The following GRK7 variants were observed in gnomAD, a reference collection of about 807,000 sequenced individuals.
The protein encoded by GRK7 is rhodopsin kinase GRK7.
A neutral mutation model predicts 34.1 loss-of-function variants in GRK7; 24 were observed. That is an observed-to-expected ratio of 0.70 (90% CI 0.51 to 0.99). The LOEUF is 0.99. Among genes scored for constraint, GRK7 ranks in the 50% least tolerant of loss-of-function variants. The pLI, the probability that GRK7 is intolerant of heterozygous loss-of-function variation, is 0.00. For missense variants in GRK7, 644 were observed against 707.3 expected (o/e 0.91, Z 1.02); for synonymous variants, 256 against 279.4 (o/e 0.92, Z 0.84).
At chr3:141,750,646 C>A in the GRK7 span, among the ~76,000 whole-genome samples, 172 of 152,038 alleles carry the variant, frequency 1.1e-3, no homozygotes, top group African/African-American at 4.1e-3. Flanking sequence ...TATAGAATTG[C>A]TTTTAAGAAA....
chr3:141,781,649 T>A (rs996792962), intron 4 of GRK7, among the ~76,000 whole-genome samples: 40 of 152,124 alleles, frequency 2.6e-4, no homozygotes, highest in African/African-American at 9.7e-4. Flanking sequence ...CCTTTCCTGT[T>A]TAGTGTGGAA....
intron 4 of GRK7, among the ~76,000 whole-genome samples, chr3:141,792,121 G>C (rs1190175539): frequency 6.8e-6 from 1 of 147,842 alleles, no homozygotes; most frequent in Non-Finnish European, 1.5e-5. Flanking sequence ...TAAACATTCA[G>C]ACTGGGCGTG....
At chr3:141,779,033 C>A in intron 3 of GRK7, 137 bp downstream of exon 3, 1 of 839,470 alleles carries the variant, frequency 1.2e-6, no homozygotes, top group Non-Finnish European at 1.8e-6. Flanking sequence ...AGCCCCGTCT[C>A]CCCAGCCCCC....
chr3:141,766,716 C>T (rs1255202393), intron 1 of GRK7, among the ~76,000 whole-genome samples: 1 of 152,158 alleles, frequency 6.6e-6, no homozygotes, highest in Non-Finnish European at 1.5e-5. Flanking sequence ...CATATCAAAT[C>T]TATGTTTTGT....
chr3:141,809,159 G>T (rs988701435), intron 5 of GRK7, among the ~76,000 whole-genome samples: 2 of 151,986 alleles, frequency 1.3e-5, no homozygotes, highest in Admixed American at 1.3e-4. Flanking sequence ...CCGAGATCGC[G>T]CCACTGCACT....
intron 4 of GRK7, among the ~76,000 whole-genome samples, chr3:141,796,440 C>T (rs1710879887): frequency 6.6e-6 from 1 of 152,250 alleles, no homozygotes; most frequent in Non-Finnish European, 1.5e-5. Flanking sequence ...AAGCTCCAGA[C>T]CTTCAGTCAC....
At chr3:141,795,485 G>T (rs551595189) in intron 4 of GRK7, among the ~76,000 whole-genome samples, 1 of 152,360 alleles carries the variant, frequency 6.6e-6, no homozygotes, top group African/African-American at 2.4e-5. Flanking sequence ...GCAGCTGGCT[G>T]CAGTGTGGAG....
At chr3:141,768,292 C>T (rs924758038) in intron 1 of GRK7, among the ~76,000 whole-genome samples, 96 of 141,764 alleles carry the variant, frequency 6.8e-4, no homozygotes, top group African/African-American at 2.4e-3. Context: ...TTTTTTGAGA[C>T]GGAGTCTCGC....
At chr3:141,799,482 A>G (rs1034723355) in intron 4 of GRK7, among the ~76,000 whole-genome samples, 7 of 151,800 alleles carry the variant, frequency 4.6e-5, no homozygotes, top group African/African-American at 1.7e-4. Context: ...CGTGGTGGTG[A>G]GCGCCTGTAA....
intron 2 of GRK7, among the ~76,000 whole-genome samples, chr3:141,777,910 C>T (rs1034274709): frequency 3.3e-5 from 5 of 152,184 alleles, no homozygotes; most frequent in Non-Finnish European, 7.4e-5. Flanking sequence ...ACTGCATCAG[C>T]AACAAATTAG....
intron 4 of GRK7, among the ~76,000 whole-genome samples, chr3:141,806,103 C>T (rs1711033108): frequency 6.6e-6 from 1 of 152,160 alleles, no homozygotes; most frequent in African/African-American, 2.4e-5. Context: ...CAGCTCGTGA[C>T]CATTCTGAGT....
chr3:141,778,739 C>A lies in GRK7; in HGVS notation c.455C>A (p.Ala152Asp). 1 of 1,610,680 alleles carries A rather than the reference C, an allele frequency of 6.2e-7. No homozygotes were observed. The highest frequency in any genetic ancestry group is 8.5e-7 in the Non-Finnish European group (1 of 1,178,114). ...GTGGCTGCAGTGACGCTGGCCAAGGCTGAGGCCATGGCTTTCTTGCAAGAG... is the reference window on the plus strand; with the variant it reads ...GTGGCTGCAGTGACGCTGGCCAAGGATGAGGCCATGGCTTTCTTGCAAGAG... ...ERVAAVTLAKAEAMAFLQEQP... is the reference protein window; with the variant it reads ...ERVAAVTLAKDEAMAFLQEQP... Residue 152 changes from alanine to aspartate, a missense_variant, in exon 3 of 6, where the codon GCT becomes GAT. Transcript: ENST00000682958. The surrounding 1 kb of genome is among the most constrained non-coding windows in gnomAD (Gnocchi z 4.1).
At position 141,792,100 on chromosome 3, in the gene GRK7, A is replaced by C. The variant is rs2084727212; in HGVS notation, c.1050+11289A>C. Among the ~76,000 whole-genome samples the C allele has an allele frequency of 2.0e-5, 3 of 150,970 alleles. No homozygotes were observed. The South Asian group carries it at 6.3e-4, about 32-fold the overall frequency. On this transcript the variant is annotated intron_variant, in intron 4 of 5. Transcript: ENST00000682958. ...TGAAGCTTACAGTCTAGTGGGGAAG[A>C]TAGAACTTAATAAACATTCAGACTG... is the stretch of plus-strand genomic sequence containing the variant.
chr3:141,770,994 C>CAAAA (rs55988355), intron 1 of GRK7, among the ~76,000 whole-genome samples: 5 of 84,746 alleles, frequency 5.9e-5, no homozygotes, highest in South Asian at 8.1e-4. Context: ...TACCCAGTCT[C>CAAAA]AAAAAAAAAA....
intron 1 of GRK7, among the ~76,000 whole-genome samples, chr3:141,771,543 G>A (rs960395902): frequency 1.9e-4 from 29 of 151,776 alleles, no homozygotes; most frequent in African/African-American, 6.8e-4. Flanking sequence ...AGGATGGGAG[G>A]GTAAGAAGGT....
At chr3:141,762,956 G>C (rs1386422279), upstream of GRK7, among the ~76,000 whole-genome samples, 3 of 152,216 alleles carry the variant, frequency 2.0e-5, no homozygotes, top group Admixed American at 6.5e-5. Flanking sequence ...GCGCTTCCCA[G>C]GTGAGGCAAT....
upstream of GRK7, among the ~76,000 whole-genome samples, chr3:141,760,024 G>A (rs761986562): frequency 0.079 from 9,120 of 116,096 alleles, 495 homozygotes; most frequent in Non-Finnish European, 0.12. Flanking sequence ...ATTTTTTATT[G>A]TGTCTATTTG....
chr3:141,758,188 G>T, the GRK7 span, among the ~76,000 whole-genome samples: 483 of 53,700 alleles, frequency 9.0e-3, no homozygotes, highest in African/African-American at 0.016. Flanking sequence ...TTTGGCTTTT[G>T]TTGCCATTGC....
intron 4 of GRK7, among the ~76,000 whole-genome samples, chr3:141,786,362 C>A (rs2084696183): frequency 6.6e-6 from 1 of 152,212 alleles, no homozygotes; most frequent in East Asian, 1.9e-4. Flanking sequence ...CCATCAATGA[C>A]CCTTGCTTGC....
Sources: allele counts gnomAD v4.1 joint callset (sites outside exome capture counted in the v4.1 genomes callset), GRCh38; gene constraint gnomAD v4.1.1; non-coding constraint Gnocchi (gnomAD v3.1); transcripts MANE v1.5; gene names NCBI Gene and HGNC (gene_info 2026-07-23, HGNC 2026-07-21).